ACVR1: variants seen among roughly 807,000 people sequenced by gnomAD.
The protein encoded by ACVR1 is activin receptor type-1.
A neutral mutation model predicts 57.1 loss-of-function variants in ACVR1; 38 were observed. The observed-to-expected ratio is 0.67, with a 90% CI of 0.51 to 0.87. The LOEUF is 0.87. Among genes scored for constraint, ACVR1 ranks in the 40% least tolerant of loss-of-function variants. The pLI is 0.00. For synonymous variants in ACVR1, 212 were observed against 228.1 expected, an observed-to-expected ratio of 0.93 and a Z score of 0.63; for missense variants, 463 against 638.2, an observed-to-expected ratio of 0.73 and a Z score of 2.96.
intron 1 of ACVR1, among the ~76,000 whole-genome samples, chr2:157,828,748 T>C (rs1184157458): frequency 6.7e-6 from 1 of 149,148 alleles, no homozygotes; most frequent in African/African-American, 2.6e-5. Context: ...AACTCAGAGA[T>C]TAGTTTTTTG....
At chr2:157,854,264 A>G (rs1689428837) in intron 1 of ACVR1, among the ~76,000 whole-genome samples, 1 of 151,982 alleles carries the variant, frequency 6.6e-6, no homozygotes, top group Non-Finnish European at 1.5e-5. Context: ...TTCCACACAC[A>G]TATTTCTAGC....
At chr2:157,807,936 C>G (rs1354055194) in intron 2 of ACVR1, among the ~76,000 whole-genome samples, 1 of 149,642 alleles carries the variant, frequency 6.7e-6, no homozygotes, top group East Asian at 2.0e-4. Flanking sequence ...CTCTCTCTCC[C>G]TCTCTCTCTC....
chr2:157,855,269 AGTGTGTGT>A (rs532193935), intron 1 of ACVR1, among the ~76,000 whole-genome samples: 2,506 of 85,090 alleles, frequency 0.029, 118 homozygotes, highest in African/African-American at 0.1. Context: ...AAAAAAAAAA[AGTGTGTGT>A]GTGTGTGTGT....
At chr2:157,822,523 C>T (rs1688194432) in intron 1 of ACVR1, among the ~76,000 whole-genome samples, 1 of 152,164 alleles carries the variant, frequency 6.6e-6, no homozygotes, top group Non-Finnish European at 1.5e-5. Flanking sequence ...TCTTAAAATA[C>T]TTGCATTCTT....
intron 1 of ACVR1, among the ~76,000 whole-genome samples, chr2:157,862,454 CACACAG>C (rs1161439631): frequency 6.8e-6 from 1 of 147,298 alleles, no homozygotes; most frequent in Non-Finnish European, 1.5e-5. Context: ...CACACACACA[CACACAG>C]AGTACAAAAC....
chr2:157,791,710 T>C (rs1574069857), intron 3 of ACVR1, among the ~76,000 whole-genome samples: 2 of 152,186 alleles, frequency 1.3e-5, no homozygotes, highest in African/African-American at 2.4e-5. Context: ...GCCTTGTCTC[T>C]TTCCTGAGAA....
intron 1 of ACVR1, among the ~76,000 whole-genome samples, chr2:157,825,563 G>A (rs928003742): frequency 2.0e-5 from 3 of 152,198 alleles, no homozygotes; most frequent in African/African-American, 7.2e-5. Context: ...TCTCAGTGGA[G>A]CGAACCCTAT....
At chr2:157,860,014 C>G (rs77208057) in intron 1 of ACVR1, 1 of 151,938 alleles carries the variant, frequency 6.6e-6, no homozygotes, top group Non-Finnish European at 1.5e-5. Flanking sequence ...TACCCCATAC[C>G]CCAAGGGCCA....
At chr2:157,802,728 A>G (rs1194438769) in intron 2 of ACVR1, among the ~76,000 whole-genome samples, 1 of 152,160 alleles carries the variant, frequency 6.6e-6, no homozygotes, top group Admixed American at 6.5e-5. Context: ...AGATCACTTT[A>G]AGTTTCACTC....
At chr2:157,836,517 G>A (rs1158315579) in intron 1 of ACVR1, among the ~76,000 whole-genome samples, 2 of 152,270 alleles carry the variant, frequency 1.3e-5, no homozygotes, top group African/African-American at 2.4e-5. Flanking sequence ...CTCCATTTCA[G>A]GAAGGAAACC....
At chr2:157,846,237 G>A (rs929620819) in intron 1 of ACVR1, among the ~76,000 whole-genome samples, 1 of 152,182 alleles carries the variant, frequency 6.6e-6, no homozygotes, top group African/African-American at 2.4e-5. Context: ...GAAGATGGAG[G>A]AAGAGCCACA....
intron 1 of ACVR1, among the ~76,000 whole-genome samples, chr2:157,829,466 C>T (rs907685655): frequency 5.3e-5 from 8 of 152,322 alleles, no homozygotes; most frequent in Non-Finnish European, 8.8e-5. Context: ...CATTGAGTAA[C>T]GCTCACTAGT....
At position 157,778,356 on chromosome 2, in the gene ACVR1, GA is replaced by G. The variant is rs747576503; in HGVS notation, c.332-15del. 3.7e-6 allele frequency: 6 copies of G among 1,602,342 alleles called. No homozygotes were observed. The highest frequency in any genetic ancestry group is 5.1e-6 in the Non-Finnish European group (6 of 1,170,552). On this transcript the variant is annotated splice_polypyrimidine_tract_variant and intron_variant, in intron 4 of 10. Coordinates refer to ENST00000434821, the MANE Select transcript of ACVR1 (RefSeq NM_001111067.4). ...GGAAGGATTTTCCTGGAGTTGGAGG[GA>G]AAAGGGGGAATTAGTTGTAAGGATC...
intron 1 of ACVR1, among the ~76,000 whole-genome samples, chr2:157,826,296 A>G (rs1363512421): frequency 2.0e-5 from 3 of 152,326 alleles, no homozygotes; most frequent in South Asian, 4.1e-4. Flanking sequence ...ATGTGCTGCT[A>G]TATCTCCAGT....
intron 1 of ACVR1, 43 bp downstream of exon 1, chr2:157,875,753 G>A (rs1046199710): frequency 3.6e-4 from 55 of 152,142 alleles, no homozygotes; most frequent in African/African-American, 1.3e-3. Context: ...TCCTCCCTCA[G>A]TCCTCCCGGC....
chr2:157,748,603 A>G (rs1345734418), intron 9 of ACVR1, among the ~76,000 whole-genome samples: 1 of 151,952 alleles, frequency 6.6e-6, no homozygotes, highest in Non-Finnish European at 1.5e-5. Context: ...TTGAGAAACA[A>G]TTACCAAGAA....
At chr2:157,744,119 G>C (rs1301972411) in intron 9 of ACVR1, among the ~76,000 whole-genome samples, 2 of 152,144 alleles carry the variant, frequency 1.3e-5, no homozygotes, top group Non-Finnish European at 2.9e-5. Flanking sequence ...ATGCCACAGT[G>C]TGCCTACTTC....
rs754562274 is a variant in ACVR1 at position 157,765,997 on chromosome 2, T to C, written c.990A>G (p.Pro330=). ...HIEIFGTQGK[P]AIAHRDLKSK... Reference sequence around the variant, plus strand: ...TCTTTAAATCTCGATGGGCAATGGCTGGTTTCCCTTGGGTCCCAAATATCT... The same window carrying C: ...TCTTTAAATCTCGATGGGCAATGGCCGGTTTCCCTTGGGTCCCAAATATCT... The change falls in exon 8 of 11, where the codon CCA becomes CCG. Residue 330 remains proline, a synonymous_variant. Transcript: ENST00000434821. The C allele has an allele frequency of 6.2e-7, 1 of 1,614,180 alleles. No individual in the cohort carries two copies. Among genetic ancestry groups the C allele is most frequent in the Admixed American group, 1.7e-5 (1 of 60,028 alleles).
intron 2 of ACVR1, among the ~76,000 whole-genome samples, chr2:157,802,508 C>G (rs1190933909): frequency 6.6e-6 from 1 of 152,120 alleles, no homozygotes; most frequent in Non-Finnish European, 1.5e-5. Context: ...CATAGTTCCT[C>G]AGTCCCCACT....
Sources: gnomAD v4.1 joint callset for allele counts (sites outside exome capture counted in the v4.1 genomes callset) on GRCh38, gnomAD v4.1.1 for gene constraint, MANE v1.5 for transcripts, NCBI Gene and HGNC (gene_info 2026-07-23, HGNC 2026-07-21) for gene names.